The following RANBP2 variants were observed in gnomAD, a reference collection of about 807,000 sequenced individuals.
RANBP2 encodes RAN binding protein 2.
RANBP2 carries 57 observed loss-of-function variants against 303.6 expected under a neutral mutation model. The ratio of observed to expected loss-of-function variants is 0.19; its 90% CI spans 0.15 to 0.23. RANBP2 has a LOEUF of 0.23. RANBP2 is among the 10% of genes least tolerant of loss of function. RANBP2 has a pLI of 1.00. For missense variants in RANBP2, 3,138 were observed against 3,780.8 expected, an observed-to-expected ratio of 0.83 and a Z score of 4.46; for synonymous variants, 1,167 against 1,301.5, an observed-to-expected ratio of 0.90 and a Z score of 2.23.
At chr2:108,857,300 A>G in the RANBP2 span, among the ~76,000 whole-genome samples, 3 of 151,974 alleles carry the variant, frequency 2.0e-5, no homozygotes, top group African/African-American at 7.2e-5. Context: ...GATGGTCTGT[A>G]TCTCCTGACC....
At chr2:108,974,953 G>A in the RANBP2 span, among the ~76,000 whole-genome samples, 12,660 of 152,174 alleles carry the variant, frequency 0.083, 1,376 homozygotes, top group African/African-American at 0.25. Flanking sequence ...TCAGGAGTCA[G>A]AAGGAAGAGC....
the RANBP2 span, among the ~76,000 whole-genome samples, chr2:108,994,830 CTTTTT>C: frequency 5.4e-4 from 3 of 5,584 alleles, no homozygotes; most frequent in East Asian, 0.017. Flanking sequence ...ATATATATAT[CTTTTT>C]TTTTTTTTTT....
chr2:109,373,638 C>T, the RANBP2 span, among the ~76,000 whole-genome samples: 1 of 152,066 alleles, frequency 6.6e-6, no homozygotes, highest in East Asian at 1.9e-4. Flanking sequence ...CAGTAGTGAC[C>T]TTGGGGATTC....
the RANBP2 span, among the ~76,000 whole-genome samples, chr2:109,059,080 C>A: frequency 6.6e-6 from 1 of 152,016 alleles, no homozygotes; most frequent in African/African-American, 2.4e-5. Context: ...CACCTCCGGG[C>A]CTTATCGTTC....
the RANBP2 span, among the ~76,000 whole-genome samples, chr2:109,107,884 T>C: frequency 1.3e-5 from 2 of 151,562 alleles, no homozygotes; most frequent in Admixed American, 6.6e-5. Flanking sequence ...TACAGGCGCC[T>C]GCCACCATGC....
chr2:109,544,928 A>G, the RANBP2 span: 2 of 982,436 alleles, frequency 2.0e-6, no homozygotes, highest in African/African-American at 3.5e-5. Flanking sequence ...CTCTTTTCCA[A>G]AAAAACAAAC....
At chr2:109,508,910 A>G in the RANBP2 span, among the ~76,000 whole-genome samples, 1 of 152,238 alleles carries the variant, frequency 6.6e-6, no homozygotes, top group African/African-American at 2.4e-5. Context: ...CAAAGGCGCT[A>G]CAAGCCCGGG....
At chr2:108,999,779 A>G in the RANBP2 span, among the ~76,000 whole-genome samples, 1 of 152,210 alleles carries the variant, frequency 6.6e-6, no homozygotes, top group East Asian at 1.9e-4. Context: ...CCTTTTTATT[A>G]TTACAAAAAC....
the RANBP2 span, among the ~76,000 whole-genome samples, chr2:109,644,428 CG>C: frequency 1.3e-5 from 2 of 152,138 alleles, no homozygotes; most frequent in Non-Finnish European, 2.9e-5. Flanking sequence ...GTGAATGCCT[CG>C]GGCGGTTCCA....
chr2:109,173,862 C>G, the RANBP2 span, among the ~76,000 whole-genome samples: 1 of 152,246 alleles, frequency 6.6e-6, no homozygotes, highest in Non-Finnish European at 1.5e-5. Flanking sequence ...TCAGACTCAG[C>G]TCTTTTGCTG....
At chr2:109,494,413 C>T in the RANBP2 span, among the ~76,000 whole-genome samples, 1 of 152,178 alleles carries the variant, frequency 6.6e-6, no homozygotes, top group East Asian at 1.9e-4. Flanking sequence ...AACATGGTAG[C>T]CACAGGCTGC....
At chr2:109,070,028 G>A in the RANBP2 span, among the ~76,000 whole-genome samples, 1 of 152,250 alleles carries the variant, frequency 6.6e-6, no homozygotes, top group Non-Finnish European at 1.5e-5. Flanking sequence ...AGGCCATTAA[G>A]AAGGGCCAGT....
the RANBP2 span, among the ~76,000 whole-genome samples, chr2:109,125,614 C>A: frequency 6.6e-6 from 1 of 152,350 alleles, no homozygotes; most frequent in African/African-American, 2.4e-5. Flanking sequence ...ATGAAGGCAT[C>A]CGAAGATTTC....
At chr2:109,129,230 G>T in the RANBP2 span, 1 of 554,152 alleles carries the variant, frequency 1.8e-6, no homozygotes, top group South Asian at 1.7e-5. Context: ...CTTCGTGCCC[G>T]GCAGCACCCC....
the RANBP2 span, among the ~76,000 whole-genome samples, chr2:109,090,637 T>C: frequency 6.6e-6 from 1 of 152,252 alleles, no homozygotes; most frequent in African/African-American, 2.4e-5. Flanking sequence ...CCAATCTTGA[T>C]TTCATTTATT....
chr2:109,396,324 A>G, the RANBP2 span, among the ~76,000 whole-genome samples: 1 of 152,232 alleles, frequency 6.6e-6, no homozygotes, highest in Non-Finnish European at 1.5e-5. Flanking sequence ...TTCAAAGGAA[A>G]TAACCCTAGA....
chr2:109,200,630 C>A, the RANBP2 span, among the ~76,000 whole-genome samples: 2 of 152,260 alleles, frequency 1.3e-5, no homozygotes, highest in African/African-American at 4.8e-5. Context: ...GAGCTTGTCC[C>A]AGCAGCCTGC....
the RANBP2 span, among the ~76,000 whole-genome samples, chr2:109,045,545 G>C: frequency 8.2e-3 from 1,242 of 152,176 alleles, 21 homozygotes; most frequent in African/African-American, 0.028. Flanking sequence ...ACAACGATCT[G>C]ATATAAAGGA....
At chr2:108,833,894 ATTTTTTTTTTTT>A in the RANBP2 span, among the ~76,000 whole-genome samples, 2 of 79,242 alleles carry the variant, frequency 2.5e-5, no homozygotes, top group African/African-American at 5.0e-5. Context: ...CGCCCGGCTA[ATTTTTTTTTTTT>A]TTTTTTTTTT....
Sources: gnomAD v4.1 joint callset for allele counts (sites outside exome capture counted in the v4.1 genomes callset) on GRCh38, gnomAD v4.1.1 for gene constraint, MANE v1.5 for transcripts, NCBI Gene and HGNC (gene_info 2026-07-23, HGNC 2026-07-21) for gene names.